ZFAT: variants seen among roughly 807,000 people sequenced by gnomAD.
The protein encoded by ZFAT is zinc finger and AT-hook domain containing, also known as zinc finger protein ZFAT.
A neutral mutation model predicts 117.7 loss-of-function variants in ZFAT; 64 were observed. That is an observed-to-expected ratio of 0.54 (90% CI 0.44 to 0.67). The LOEUF is 0.67. Ranked by LOEUF, ZFAT falls within the 30% of genes least tolerant of loss-of-function variation. The pLI is 0.00. For missense variants in ZFAT, 1,433 were observed against 1,584.5 expected (o/e 0.90, Z 1.62); for synonymous variants, 679 against 615.0 (o/e 1.10, Z -1.54).
intron 3 of ZFAT, among the ~76,000 whole-genome samples, chr8:134,628,639 T>C (rs1265766790): frequency 1.3e-5 from 2 of 152,222 alleles, no homozygotes; most frequent in East Asian, 3.8e-4. Context: ...TTTTGAAACT[T>C]ACCATTATAA....
chr8:134,538,228 G>A (rs1004995527), intron 11 of ZFAT, among the ~76,000 whole-genome samples: 1 of 152,188 alleles, frequency 6.6e-6, no homozygotes, highest in Admixed American at 6.5e-5. Flanking sequence ...GGGGATCAGG[G>A]GAGTCTGGAA....
chr8:134,666,681 G>C (rs1832238135), intron 1 of ZFAT, among the ~76,000 whole-genome samples: 1 of 151,986 alleles, frequency 6.6e-6, no homozygotes, highest in Admixed American at 6.6e-5. Flanking sequence ...TCAAAGGATG[G>C]GCTCAAAGCA....
intron 2 of ZFAT, among the ~76,000 whole-genome samples, chr8:134,651,016 T>C (rs1011089513): frequency 4.6e-5 from 7 of 152,166 alleles, no homozygotes. Flanking sequence ...CAAACCAAAA[T>C]GTGAAAATTA....
At chr8:134,560,710 G>C (rs1471790518) in intron 11 of ZFAT, among the ~76,000 whole-genome samples, 1 of 152,136 alleles carries the variant, frequency 6.6e-6, no homozygotes, top group African/African-American at 2.4e-5. Flanking sequence ...TAGATGGAAG[G>C]ATTTGGAAGA....
chr8:134,570,161 CA>C (rs1391807814), intron 10 of ZFAT, among the ~76,000 whole-genome samples: 1 of 152,162 alleles, frequency 6.6e-6, no homozygotes, highest in Non-Finnish European at 1.5e-5. Flanking sequence ...GTGTCCATCC[CA>C]GATATGCTGT....
intron 1 of ZFAT, among the ~76,000 whole-genome samples, chr8:134,706,581 A>G (rs1235326682): frequency 6.6e-6 from 1 of 152,040 alleles, no homozygotes; most frequent in Non-Finnish European, 1.5e-5. Flanking sequence ...AATCCCAGCT[A>G]CTCGGGAGGC....
At chr8:134,818,522 T>C in the ZFAT span, among the ~76,000 whole-genome samples, 1 of 152,238 alleles carries the variant, frequency 6.6e-6, no homozygotes. Context: ...GGAAAACCAC[T>C]GGCAGTTTAA....
intron 15 of ZFAT, among the ~76,000 whole-genome samples, chr8:134,506,133 C>T (rs538035202): frequency 6.3e-4 from 96 of 152,232 alleles, no homozygotes; most frequent in African/African-American, 2.1e-3. Flanking sequence ...ATTTCCTGTG[C>T]GGCTAGCTGT....
intron 10 of ZFAT, among the ~76,000 whole-genome samples, chr8:134,578,894 G>T (rs536753906): frequency 2.6e-5 from 4 of 152,324 alleles, no homozygotes; most frequent in African/African-American, 9.6e-5. Flanking sequence ...CCAAGATGGG[G>T]TACAGCAGGG....
At chr8:134,615,461 T>TGC (rs1294347238) in intron 3 of ZFAT, among the ~76,000 whole-genome samples, 2 of 152,118 alleles carry the variant, frequency 1.3e-5, no homozygotes, top group African/African-American at 4.8e-5. Context: ...AGTGCTAAGA[T>TGC]TACATGCGTG....
chr8:134,654,388 G>A (rs910409137), intron 2 of ZFAT, among the ~76,000 whole-genome samples: 8 of 152,046 alleles, frequency 5.3e-5, no homozygotes, highest in Non-Finnish European at 7.4e-5. Context: ...TAGTATATTC[G>A]CCCAGTAGAA....
At chr8:134,700,580 C>T (rs967240056) in intron 1 of ZFAT, among the ~76,000 whole-genome samples, 1 of 152,218 alleles carries the variant, frequency 6.6e-6, no homozygotes, top group African/African-American at 2.4e-5. Flanking sequence ...AGAATGCACA[C>T]GGACCTGGAA....
rs888945777 is a variant in ZFAT at position 134,525,884 on chromosome 8, T to C, written c.3116-4883A>G. Among the ~76,000 whole-genome samples the C allele has an allele frequency of 2.6e-4, 39 of 152,258 alleles. 1 individual carries two copies. On this transcript the variant is annotated intron_variant, in intron 12 of 15. Transcript: ENST00000377838. Reference sequence around the variant, plus strand: ...TTTATTTTCTGAAAGTCAAACATACTGTGCTGTTTTTTAGGCAAAAACAAA... The same window carrying C: ...TTTATTTTCTGAAAGTCAAACATACCGTGCTGTTTTTTAGGCAAAAACAAA...
chr8:134,490,737 T>C (rs767919557), intron 15 of ZFAT, among the ~76,000 whole-genome samples: 10 of 151,992 alleles, frequency 6.6e-5, no homozygotes, highest in Non-Finnish European at 1.3e-4. Flanking sequence ...AACAGGAGAG[T>C]CTGCCCTTTA....
the ZFAT span, among the ~76,000 whole-genome samples, chr8:134,749,844 C>T: frequency 6.6e-6 from 1 of 152,114 alleles, no homozygotes; most frequent in South Asian, 2.1e-4. Flanking sequence ...TTGTATTTTT[C>T]CCCTCATTTT....
At chr8:134,600,167 G>T (rs935932124) in intron 7 of ZFAT, 1 of 504,378 alleles carries the variant, frequency 2.0e-6, no homozygotes, top group Non-Finnish European at 3.5e-6. Context: ...CTACTCTATA[G>T]ATATCTCTTC....
intron 1 of ZFAT, among the ~76,000 whole-genome samples, chr8:134,693,507 C>A (rs1563768802): frequency 6.6e-6 from 1 of 151,976 alleles, no homozygotes; most frequent in Non-Finnish European, 1.5e-5. Flanking sequence ...ATGTGAGGTG[C>A]GGCTATGTGA....
At chr8:134,732,274 G>A in the ZFAT span, among the ~76,000 whole-genome samples, 2 of 152,236 alleles carry the variant, frequency 1.3e-5, no homozygotes, top group Non-Finnish European at 2.9e-5. Flanking sequence ...CCGCTCTGCA[G>A]GTTTTTTACT....
chr8:134,533,467 C>T (rs998978439), intron 11 of ZFAT, among the ~76,000 whole-genome samples: 9 of 152,220 alleles, frequency 5.9e-5, no homozygotes, highest in Non-Finnish European at 1.3e-4. Flanking sequence ...TACGCTATAC[C>T]TTCTACAGCT....
Sources: gnomAD v4.1 joint callset for allele counts (sites outside exome capture counted in the v4.1 genomes callset) on GRCh38, gnomAD v4.1.1 for gene constraint, MANE v1.5 for transcripts, NCBI Gene and HGNC (gene_info 2026-07-23, HGNC 2026-07-21) for gene names.